ZFPM2: variants seen among roughly 807,000 people sequenced by gnomAD.
The protein encoded by ZFPM2 is zinc finger protein ZFPM2.
Under a neutral mutation model 98.6 loss-of-function variants are expected in ZFPM2, and 20 were observed. The ratio of observed to expected loss-of-function variants is 0.20; its 90% CI spans 0.14 to 0.29. The LOEUF is 0.29. Among genes scored for constraint, ZFPM2 ranks in the 10% least tolerant of loss-of-function variants. The pLI is 1.00. For synonymous variants in ZFPM2, 518 were observed against 502.7 expected (o/e 1.03, Z -0.41); for missense variants, 1,310 against 1,388.6 (o/e 0.94, Z 0.90).
intron 4 of ZFPM2, among the ~76,000 whole-genome samples, chr8:105,620,803 T>G (rs968753040): frequency 8.5e-5 from 13 of 152,094 alleles, no homozygotes; most frequent in Non-Finnish European, 1.5e-4. Flanking sequence ...TTTCCCCATT[T>G]CTTGTTTTTG....
intron 1 of ZFPM2, among the ~76,000 whole-genome samples, chr8:105,384,287 C>T (rs1425273361): frequency 6.6e-6 from 1 of 152,004 alleles, no homozygotes; most frequent in Non-Finnish European, 1.5e-5. Context: ...ATATGATGAC[C>T]CACGCAAAGC....
rs551001096 is a variant in ZFPM2 at position 105,701,520 on chromosome 8, G to A, written c.532+67163G>A. Among the ~76,000 whole-genome samples the A allele has an allele frequency of 6.6e-5, 10 of 152,292 alleles. No homozygotes were observed. The East Asian group carries it at 1.9e-3, about 29-fold the overall frequency. ...TATAATCAAGCAAAAATGAAAATGT[G>A]TCTTTAAATCACAAAGGCTAAAACA... On this transcript the variant is annotated intron_variant, in intron 5 of 7. Transcript: ENST00000407775.
chr8:105,377,330 T>A (rs971335824), intron 1 of ZFPM2, among the ~76,000 whole-genome samples: 5 of 152,180 alleles, frequency 3.3e-5, no homozygotes, highest in Non-Finnish European at 2.9e-5. Context: ...ATTTATTCAC[T>A]GGTTGTTTTA....
At position 105,441,465 on chromosome 8, in the gene ZFPM2, A is replaced by AGGAAGGAAG. The variant is rs1563659976; in HGVS notation, c.200-2814_200-2813insGAAGGAAGG. ...GAGAGAGAGAGAGAGAAAGAAAGAA[A>AGGAAGGAAG]GAAAGAAAGAAAGAAAGAAAGAAAG... On this transcript the variant is annotated intron_variant, in intron 2 of 7. Transcript: ENST00000407775. 6.1e-5 allele frequency among the ~76,000 whole-genome samples: 5 copies of AGGAAGGAAG among 81,904 alleles called. 1 individual carries two copies. Among genetic ancestry groups the AGGAAGGAAG allele is most frequent in the African/African-American group, 3.1e-4 (5 of 16,120 alleles). The allele number at this position is 81,904 out of a possible 152,430, so 53.7% of individuals were successfully genotyped here.
intron 3 of ZFPM2, among the ~76,000 whole-genome samples, chr8:105,552,817 T>C (rs569191227): frequency 6.7e-5 from 10 of 149,982 alleles, no homozygotes; most frequent in African/African-American, 2.4e-4. Context: ...ATGTTCTTTT[T>C]TTTTTTTTTT....
chr8:105,384,430 ATT>A (rs1383146193), intron 1 of ZFPM2, among the ~76,000 whole-genome samples: 2 of 152,030 alleles, frequency 1.3e-5, no homozygotes, highest in Non-Finnish European at 2.9e-5. Context: ...CAGGAGGTGG[ATT>A]ATCCATAGAG....
At chr8:105,542,686 C>T (rs1217058191) in intron 3 of ZFPM2, among the ~76,000 whole-genome samples, 3 of 152,208 alleles carry the variant, frequency 2.0e-5, no homozygotes, top group Non-Finnish European at 1.5e-5. Flanking sequence ...GGTCCTGGAA[C>T]GTATCCCCCA....
At chr8:105,455,374 A>T (rs2130273418) in intron 3 of ZFPM2, among the ~76,000 whole-genome samples, 1 of 152,234 alleles carries the variant, frequency 6.6e-6, no homozygotes, top group Non-Finnish European at 1.5e-5. Context: ...ACCTGGGCAG[A>T]ATATGCAGCT....
intron 3 of ZFPM2, among the ~76,000 whole-genome samples, chr8:105,537,633 G>A (rs530914974): frequency 3.9e-5 from 6 of 152,238 alleles, no homozygotes; most frequent in African/African-American, 1.4e-4. Context: ...ACTGAGCTAT[G>A]ATCACATCAC....
At chr8:105,568,131 C>A (rs1217059738) in intron 4 of ZFPM2, among the ~76,000 whole-genome samples, 1 of 152,176 alleles carries the variant, frequency 6.6e-6, no homozygotes, top group African/African-American at 2.4e-5. Context: ...AAAGCTTCAG[C>A]TACTAATTTA....
At chr8:105,504,580 G>A (rs371466334) in intron 3 of ZFPM2, among the ~76,000 whole-genome samples, 3 of 152,206 alleles carry the variant, frequency 2.0e-5, no homozygotes, top group African/African-American at 4.8e-5. Context: ...CCTAGCCTGC[G>A]TGAAAAAACA....
chr8:105,673,210 C>G (rs1473795233), intron 5 of ZFPM2, among the ~76,000 whole-genome samples: 1 of 93,420 alleles, frequency 1.1e-5, no homozygotes, highest in Non-Finnish European at 2.1e-5. Flanking sequence ...TTTTTTTTAC[C>G]GATCGTACTT....
rs1321204610 is a variant in ZFPM2, at chr8:105,561,408, G to C, written c.347G>C (p.Ser116Thr). 2 of 1,613,456 alleles carry C rather than the reference G, an allele frequency of 1.2e-6. No homozygotes were observed. The highest frequency in any genetic ancestry group is 1.7e-6 in the Non-Finnish European group (2 of 1,179,678). ...FQKDGERKIQ[S>T]RQQLPVGTTW... ...AAAGATGGGGAACGAAAAATTCAGA[G>C]TCGACAGCAACTTCCAGTGGGAACA... The change falls in exon 4 of 8, where the codon AGT (serine) becomes ACT (threonine). Residue 116 changes from serine (S) to threonine (T), a missense_variant. Transcript: ENST00000407775.
chr8:105,629,964 C>A (rs1398986259), intron 4 of ZFPM2, among the ~76,000 whole-genome samples: 1 of 152,162 alleles, frequency 6.6e-6, no homozygotes, highest in Non-Finnish European at 1.5e-5. Context: ...AAAAGTTAAT[C>A]ACCTCTCTGA....
intron 3 of ZFPM2, among the ~76,000 whole-genome samples, chr8:105,474,727 T>A (rs1586399132): frequency 6.6e-6 from 1 of 152,202 alleles, no homozygotes; most frequent in Non-Finnish European, 1.5e-5. Context: ...ACCTAATAGG[T>A]GAATGTTTAA....
rs191043909 is a variant in ZFPM2 at position 105,642,571 on chromosome 8, A to G, written c.532+8214A>G. Among the ~76,000 whole-genome samples the G allele has an allele frequency of 2.0e-5, 3 of 152,228 alleles. No individual in the cohort carries two copies. The East Asian group carries it at 5.8e-4, about 29-fold the overall frequency. On this transcript the variant is annotated intron_variant, in intron 5 of 7. Coordinates refer to ENST00000407775, the MANE Select transcript of ZFPM2 (RefSeq NM_012082.4). ...AATTTAAATTGTTTCCTAGTGATATAATTACTTTTCTTTAGTAACTCTGTG... is the reference window on the plus strand; with the variant it reads ...AATTTAAATTGTTTCCTAGTGATATGATTACTTTTCTTTAGTAACTCTGTG...
chr8:105,585,925 A>C (rs1815702415), intron 4 of ZFPM2, among the ~76,000 whole-genome samples: 1 of 151,992 alleles, frequency 6.6e-6, no homozygotes, highest in Non-Finnish European at 1.5e-5. Context: ...AGAGGCCTGA[A>C]GAATGAGTAA....
chr8:105,500,254 G>A (rs574399371), intron 3 of ZFPM2, among the ~76,000 whole-genome samples: 67 of 151,974 alleles, frequency 4.4e-4, no homozygotes, highest in African/African-American at 1.5e-3. Context: ...GCTAAATATC[G>A]GCATGAATAG....
At chr8:105,749,408 A>G (rs1812425110) in intron 5 of ZFPM2, among the ~76,000 whole-genome samples, 1 of 152,094 alleles carries the variant, frequency 6.6e-6, no homozygotes, top group Non-Finnish European at 1.5e-5. Context: ...TTTATCAAAC[A>G]TATATTTGGG....
Sources: allele counts gnomAD v4.1 joint callset (sites outside exome capture counted in the v4.1 genomes callset), GRCh38; gene constraint gnomAD v4.1.1; transcripts MANE v1.5; gene names NCBI Gene and HGNC (gene_info 2026-07-23, HGNC 2026-07-21).